ANO10: variants seen among roughly 807,000 people sequenced by gnomAD.
The protein encoded by ANO10 is anoctamin 10, also known as anoctamin-10.
Under a neutral mutation model 74.7 loss-of-function variants are expected in ANO10, and 77 were observed. The observed-to-expected ratio is 1.03, with a 90% CI of 0.86 to 1.25. The LOEUF is 1.25. ANO10 is among the 50% of genes most tolerant of loss of function. The probability of loss-of-function intolerance (pLI) is 0.00; values close to 1 mark genes in which losing one functional copy is unlikely to be tolerated. For missense variants in ANO10, 721 were observed against 778.1 expected (o/e 0.93, Z 0.87); for synonymous variants, 279 against 284.9 (o/e 0.98, Z 0.21).
At chr3:43,621,467 G>A (rs1249106813) in intron 1 of ANO10, among the ~76,000 whole-genome samples, 3 of 151,912 alleles carry the variant, frequency 2.0e-5, no homozygotes, top group Non-Finnish European at 4.4e-5. Context: ...CAAGAACCCC[G>A]GGACCCGCGA....
At chr3:43,423,176 T>C (rs1273550839) in intron 12 of ANO10, among the ~76,000 whole-genome samples, 1 of 151,966 alleles carries the variant, frequency 6.6e-6, no homozygotes, top group Non-Finnish European at 1.5e-5. Context: ...CCTTCTAAAG[T>C]GTCCACATAC....
chr3:43,517,680 G>A (rs1001092194), intron 11 of ANO10, among the ~76,000 whole-genome samples: 3 of 152,088 alleles, frequency 2.0e-5, no homozygotes, highest in African/African-American at 2.4e-5. Context: ...ACCTTGCTTG[G>A]ATTTTTGTTC....
In ANO10 at chr3:43,366,374, G is replaced by A. The variant is rs980800292; in HGVS notation, c.*532C>T. On this transcript the variant is annotated 3_prime_UTR_variant, in exon 13 of 13. Transcript: ENST00000292246. ...TGCCTTTAATAGCTCAGTTACTATT[G>A]TTTATGTTGATAAAGGGTCTGTTAA... 1.1e-4 allele frequency: 22 copies of A among 197,008 alleles called. No homozygotes were observed. The highest frequency in any genetic ancestry group is 4.9e-4 in the African/African-American group (21 of 43,134). 12.2% of individuals were successfully genotyped at this position (197,008 alleles called of 1,614,324 possible).
At chr3:43,630,101 C>G (rs2083531273) in intron 1 of ANO10, among the ~76,000 whole-genome samples, 1 of 152,116 alleles carries the variant, frequency 6.6e-6, no homozygotes, top group Admixed American at 6.6e-5. Context: ...AGGGCAGTGT[C>G]TCAGAAGCAA....
chr3:43,651,896 C>T (rs1259493924), intron 1 of ANO10, among the ~76,000 whole-genome samples: 1 of 152,110 alleles, frequency 6.6e-6, no homozygotes, highest in African/African-American at 2.4e-5. Flanking sequence ...TGTAGCAAGA[C>T]CATTTCCCCA....
chr3:43,515,811 A>AGCTGTAAATACCCCAGCCTGGG (rs1375023522), intron 11 of ANO10, among the ~76,000 whole-genome samples: 1 of 152,114 alleles, frequency 6.6e-6, no homozygotes, highest in African/African-American at 2.4e-5. Flanking sequence ...TAAAACCATA[A>AGCTGTAAATACCCCAGCCTGGG]GCTGTAAATA....
At chr3:43,624,056 C>A (rs1234831896), upstream of ANO10, among the ~76,000 whole-genome samples, 1 of 152,098 alleles carries the variant, frequency 6.6e-6, no homozygotes, top group Non-Finnish European at 1.5e-5. Context: ...AAGTCATTTT[C>A]TCTTGTATAA....
At chr3:43,491,344 T>A (rs2076713993) in intron 11 of ANO10, among the ~76,000 whole-genome samples, 1 of 151,990 alleles carries the variant, frequency 6.6e-6, no homozygotes, top group African/African-American at 2.4e-5. Context: ...CGAAACCCCA[T>A]CTCTACTAAA....
intron 11 of ANO10, among the ~76,000 whole-genome samples, chr3:43,528,945 T>C (rs1018451029): frequency 3.3e-5 from 5 of 151,862 alleles, no homozygotes; most frequent in Non-Finnish European, 7.4e-5. Context: ...GGCAACAGAG[T>C]GAGATCCTGT....
At chr3:43,524,539 A>G (rs1404275155) in intron 11 of ANO10, among the ~76,000 whole-genome samples, 2 of 152,152 alleles carry the variant, frequency 1.3e-5, no homozygotes, top group African/African-American at 2.4e-5. Flanking sequence ...TACCCTGTGC[A>G]ATGATTATGT....
intron 11 of ANO10, among the ~76,000 whole-genome samples, chr3:43,545,280 T>C (rs2079134400): frequency 6.6e-6 from 1 of 152,188 alleles, no homozygotes; most frequent in South Asian, 2.1e-4. Context: ...ATTTTAAGAT[T>C]TAATTTCCTT....
At chr3:43,594,693 A>G (rs2081987374) in intron 4 of ANO10, among the ~76,000 whole-genome samples, 1 of 152,250 alleles carries the variant, frequency 6.6e-6, no homozygotes, top group African/African-American at 2.4e-5. Context: ...TAACATCACA[A>G]TTAAAAGAAC....
chr3:43,661,837 A>G (rs2083930374), intron 1 of ANO10, among the ~76,000 whole-genome samples: 1 of 152,256 alleles, frequency 6.6e-6, no homozygotes, highest in Non-Finnish European at 1.5e-5. Flanking sequence ...AAAGGAATCA[A>G]TTTATCAAGA....
chr3:43,593,316 C>T (rs1350193794), intron 4 of ANO10, among the ~76,000 whole-genome samples: 1 of 152,066 alleles, frequency 6.6e-6, no homozygotes, highest in Non-Finnish European at 1.5e-5. Flanking sequence ...GTTAGATTCA[C>T]CAAAGTTGAA....
intron 11 of ANO10, among the ~76,000 whole-genome samples, chr3:43,445,040 A>G (rs534483577): frequency 1.1e-4 from 16 of 149,926 alleles, no homozygotes; most frequent in South Asian, 4.2e-4. Flanking sequence ...GGAAAATGGC[A>G]TGAACCCGGG....
intron 11 of ANO10, among the ~76,000 whole-genome samples, chr3:43,440,350 A>T (rs2093140838): frequency 6.6e-6 from 1 of 152,140 alleles, no homozygotes; most frequent in Admixed American, 6.5e-5. Flanking sequence ...ATGAGGAAAA[A>T]TGCTCATTTT....
At chr3:43,668,012 G>A (rs2084012997) in intron 1 of ANO10, among the ~76,000 whole-genome samples, 2 of 152,158 alleles carry the variant, frequency 1.3e-5, no homozygotes, top group Non-Finnish European at 2.9e-5. Context: ...GAATCTCCAT[G>A]CTGTTTTTCA....
chr3:43,383,780 G>C (rs1302343721), intron 12 of ANO10, among the ~76,000 whole-genome samples: 1 of 152,104 alleles, frequency 6.6e-6, no homozygotes, highest in Non-Finnish European at 1.5e-5. Flanking sequence ...CATACCCTAA[G>C]GTAATAAAAG....
intron 1 of ANO10, among the ~76,000 whole-genome samples, chr3:43,631,477 AGT>A (rs1481153573): frequency 7.2e-5 from 11 of 152,356 alleles, no homozygotes; most frequent in African/African-American, 2.4e-4. Context: ...CTCAAACCAG[AGT>A]TGCCAACTGA....
Sources: gnomAD v4.1 joint callset for allele counts (sites outside exome capture counted in the v4.1 genomes callset) on GRCh38, gnomAD v4.1.1 for gene constraint, MANE v1.5 for transcripts, NCBI Gene and HGNC (gene_info 2026-07-23, HGNC 2026-07-21) for gene names.